TMEM181: variants seen among roughly 807,000 people sequenced by gnomAD.
TMEM181 encodes G protein-coupled receptor 178.
Under a neutral mutation model 71.9 loss-of-function variants are expected in TMEM181, and 39 were observed. That is an observed-to-expected ratio of 0.54 (90% CI 0.42 to 0.71). TMEM181 has a LOEUF of 0.71. Ranked by LOEUF, TMEM181 falls within the 30% of genes least tolerant of loss-of-function variation. The pLI is 0.00. For synonymous variants in TMEM181, 245 were observed against 228.8 expected (o/e 1.07, Z -0.64); for missense variants, 595 against 583.0 (o/e 1.02, Z -0.21).
intron 10 of TMEM181, among the ~76,000 whole-genome samples, chr6:158,619,942 T>C (rs1785861386): frequency 1.3e-5 from 2 of 150,192 alleles, no homozygotes; most frequent in African/African-American, 4.9e-5. Flanking sequence ...GAGGAAAGCC[T>C]GAGTATAGGG....
rs1327944736 is a variant in TMEM181 at position 158,634,001 on chromosome 6, T to G, written c.*2113T>G. 6.6e-6 allele frequency: 1 copy of G among 152,238 alleles called. No homozygotes were observed. Among genetic ancestry groups the G allele is most frequent in the Non-Finnish European group, 1.5e-5 (1 of 68,032 alleles). 9.4% of individuals were successfully genotyped at this position (152,238 alleles called of 1,614,324 possible). On this transcript the variant is annotated 3_prime_UTR_variant, in exon 17 of 17. Coordinates refer to ENST00000684151, the MANE Select transcript of TMEM181 (RefSeq NM_001376852.1). ...CAGTAAATGTAAAATATTTGAGGCA[T>G]TTAGCCATACACACACTAGAACTTT...
intron 1 of TMEM181, among the ~76,000 whole-genome samples, chr6:158,550,291 C>T (rs891548399): frequency 1.3e-5 from 2 of 151,720 alleles, no homozygotes; most frequent in African/African-American, 2.4e-5. Flanking sequence ...GTGATCTGCC[C>T]GCCATGGCCT....
intron 15 of TMEM181, among the ~76,000 whole-genome samples, chr6:158,631,109 C>A (rs1786638482): frequency 6.6e-6 from 1 of 152,254 alleles, no homozygotes; most frequent in Non-Finnish European, 1.5e-5. Context: ...CTCCCTCAGC[C>A]TTCAGGACGT....
At chr6:158,590,543 A>C (rs1784048844) in intron 6 of TMEM181, among the ~76,000 whole-genome samples, 2 of 152,080 alleles carry the variant, frequency 1.3e-5, no homozygotes. Context: ...GGCTCACTGC[A>C]ACCTCCGCCT....
chr6:158,588,615 G>A (rs1219138192), intron 5 of TMEM181, among the ~76,000 whole-genome samples: 1 of 152,068 alleles, frequency 6.6e-6, no homozygotes, highest in African/African-American at 2.4e-5. Flanking sequence ...ACACCCGGCT[G>A]ATTTTTGGTA....
At chr6:158,573,316 G>C in intron 1 of TMEM181, 104 bp from the exon 2 acceptor site, 3 of 760,546 alleles carry the variant, frequency 3.9e-6, no homozygotes, top group Non-Finnish European at 6.5e-6. Flanking sequence ...ACTGGGAGGG[G>C]AGGTGGGCAG....
intron 1 of TMEM181, among the ~76,000 whole-genome samples, chr6:158,548,171 A>C (rs1487572846): frequency 6.6e-6 from 1 of 152,156 alleles, no homozygotes; most frequent in African/African-American, 2.4e-5. Context: ...GTTTCCGAAC[A>C]CAGTAGTTTG....
At chr6:158,617,867 T>C (rs141098405) in intron 10 of TMEM181, among the ~76,000 whole-genome samples, 3,136 of 152,318 alleles carry the variant, frequency 0.021, 119 homozygotes, top group African/African-American at 0.072. Flanking sequence ...TTCTGTTCTT[T>C]TACATTTGCT....
Position 158,581,014 on chromosome 6 carries a change from G to C in TMEM181, c.168+19G>C. 6.2e-7 allele frequency: 1 copy of C among 1,602,958 alleles called. No homozygotes were observed. The highest frequency in any genetic ancestry group is 1.1e-5 in the South Asian group (1 of 90,240). ...CAAAAAGGTAAGACTGGGTCTGAGT[G>C]GCAGCTGGGTGGTGGGGTGCATTAT... On this transcript the variant is annotated intron_variant, in intron 3 of 16. Transcript: ENST00000684151.
chr6:158,556,460 A>G (rs1781890864), upstream of TMEM181, among the ~76,000 whole-genome samples: 1 of 152,240 alleles, frequency 6.6e-6, no homozygotes, highest in Admixed American at 6.5e-5. Flanking sequence ...TATATGTGCC[A>G]TAGTGAACTA....
chr6:158,615,891 T>TGTA (rs1190051383), intron 10 of TMEM181, among the ~76,000 whole-genome samples: 1 of 152,204 alleles, frequency 6.6e-6, no homozygotes, highest in African/African-American at 2.4e-5. Flanking sequence ...ACTGTAGCCT[T>TGTA]GTAGTATAGT....
At chr6:158,536,650 TC>T in exon 1 of TMEM181, 1 of 1,478,060 alleles carries the variant, frequency 6.8e-7, no homozygotes, top group Non-Finnish European at 9.0e-7. Flanking sequence ...AGCAGCCCGA[TC>T]CCCAGTGCTG....
intron 6 of TMEM181, among the ~76,000 whole-genome samples, chr6:158,590,028 G>T (rs568422861): frequency 2.0e-5 from 3 of 152,308 alleles, no homozygotes; most frequent in Admixed American, 1.3e-4. Flanking sequence ...TATATAGTGT[G>T]TTCAGCTGCA....
chr6:158,565,477 C>G (rs1436677743), intron 1 of TMEM181, among the ~76,000 whole-genome samples: 1 of 152,198 alleles, frequency 6.6e-6, no homozygotes, highest in Non-Finnish European at 1.5e-5. Context: ...ACTGCTGTGC[C>G]CCAGCTACAG....
chr6:158,598,631 T>A (rs576981065), intron 6 of TMEM181, among the ~76,000 whole-genome samples: 199 of 151,914 alleles, frequency 1.3e-3, no homozygotes, highest in African/African-American at 4.0e-3. Context: ...TCATGTTTTT[T>A]TTTTTATTTT....
At chr6:158,628,385 C>T (rs1562316718) in intron 13 of TMEM181, 23 bp from the exon 14 acceptor site, 1 of 1,612,656 alleles carries the variant, frequency 6.2e-7, no homozygotes, top group Non-Finnish European at 8.5e-7. Flanking sequence ...TACATATTGT[C>T]TCTGCTCCTC....
At chr6:158,562,114 G>T (rs1480836351) in intron 1 of TMEM181, among the ~76,000 whole-genome samples, 3 of 151,806 alleles carry the variant, frequency 2.0e-5, no homozygotes, top group Non-Finnish European at 4.4e-5. Context: ...GTAGGGGACC[G>T]TCCCCCTGCA....
At chr6:158,542,090 A>G (rs1169610995) in intron 1 of TMEM181, among the ~76,000 whole-genome samples, 1 of 151,734 alleles carries the variant, frequency 6.6e-6, no homozygotes, top group Non-Finnish European at 1.5e-5. Flanking sequence ...TTTTTTTAGT[A>G]GAGATGGGGC....
At chr6:158,567,071 C>T (rs1390900099) in intron 1 of TMEM181, among the ~76,000 whole-genome samples, 3 of 152,304 alleles carry the variant, frequency 2.0e-5, no homozygotes, top group African/African-American at 4.8e-5. Context: ...AGTTTATTTC[C>T]TTGCCTTTGA....
Sources: allele counts gnomAD v4.1 joint callset (sites outside exome capture counted in the v4.1 genomes callset), GRCh38; gene constraint gnomAD v4.1.1; transcripts MANE v1.5; gene names NCBI Gene and HGNC (gene_info 2026-07-23, HGNC 2026-07-21).